Variants in MOGAT1 observed in about 807,000 individuals in gnomAD.
The protein encoded by MOGAT1 is monoacylglycerol O-acyltransferase 1, also known as 2-acylglycerol O-acyltransferase 1.
Under a neutral mutation model 31.4 loss-of-function variants are expected in MOGAT1, and 32 were observed. The ratio of observed to expected loss-of-function variants is 1.02; its 90% CI spans 0.77 to 1.37. The LOEUF (loss-of-function observed/expected upper bound fraction) is 1.37, where lower values mean the gene tolerates loss of function less well. Ranked by LOEUF, MOGAT1 falls within the 40% of genes most tolerant of loss-of-function variation. MOGAT1 has a pLI of 0.00. For missense variants in MOGAT1, 426 were observed against 402.0 expected (o/e 1.06, Z -0.51); for synonymous variants, 145 against 144.5 (o/e 1.00, Z -0.03).
intron 5 of MOGAT1, chr2:222,699,490 C>CCTTTTTTT (rs1372008828): frequency 1.3e-5 from 1 of 77,680 alleles, no homozygotes; most frequent in African/African-American, 5.5e-5. Flanking sequence ...GGAGATATTT[C>CCTTTTTTT]TTTTTTTTTT....
At chr2:222,696,961 G>A (rs1692845769) in intron 5 of MOGAT1, among the ~76,000 whole-genome samples, 1 of 152,118 alleles carries the variant, frequency 6.6e-6, no homozygotes, top group Admixed American at 6.6e-5. Context: ...GAGCACTTGA[G>A]CCCAGGAGTT....
chr2:222,686,428 A>G (rs6739216), intron 1 of MOGAT1, among the ~76,000 whole-genome samples: 22,769 of 152,230 alleles, frequency 0.15, 1,905 homozygotes, highest in East Asian at 0.31. Flanking sequence ...ACTGTAGCTT[A>G]TCTGATCAAA....
At chr2:222,684,765 C>T (rs1203326886) in intron 1 of MOGAT1, among the ~76,000 whole-genome samples, 3 of 151,936 alleles carry the variant, frequency 2.0e-5, no homozygotes, top group African/African-American at 4.8e-5. Context: ...TTAGTAGAGA[C>T]GGGGTTTCAC....
chr2:222,696,819 T>A (rs1692841862), intron 5 of MOGAT1, among the ~76,000 whole-genome samples: 1 of 152,048 alleles, frequency 6.6e-6, no homozygotes. Context: ...ACAGGAGGAA[T>A]GCCTGAGCCC....
chr2:222,699,768 G>A (rs1017371838), intron 5 of MOGAT1, among the ~76,000 whole-genome samples: 1 of 152,068 alleles, frequency 6.6e-6, no homozygotes, highest in African/African-American at 2.4e-5. Context: ...AAAGTACTGG[G>A]ATTACAGGCG....
At chr2:222,678,920 G>A (rs188116449) in intron 1 of MOGAT1, among the ~76,000 whole-genome samples, 1 of 152,182 alleles carries the variant, frequency 6.6e-6, no homozygotes, top group Admixed American at 6.5e-5. Flanking sequence ...CAGCACCTGG[G>A]TGACAAGATC....
rs541617982 is a variant in MOGAT1, at chr2:222,702,813, G to T, written c.854-6923G>T. 5.4e-5 allele frequency among the ~76,000 whole-genome samples: 8 copies of T among 148,354 alleles called. No homozygotes were observed. The East Asian group carries it at 1.4e-3, about 25-fold the overall frequency. On this transcript the variant is annotated intron_variant, in intron 5 of 5. Coordinates refer to ENST00000446656, the MANE Select transcript of MOGAT1 (RefSeq NM_058165.3). Reference sequence around the variant, plus strand: ...CACTCCAGCCTGGGCAACAGAACAAGACTTTGTCTCAAAAAAAAAAACCAC... The same window carrying T: ...CACTCCAGCCTGGGCAACAGAACAATACTTTGTCTCAAAAAAAAAAACCAC...
intron 5 of MOGAT1, among the ~76,000 whole-genome samples, chr2:222,700,237 C>G (rs377367731): frequency 1.9e-4 from 29 of 152,322 alleles, no homozygotes; most frequent in African/African-American, 6.7e-4. Context: ...CACTTGTCAC[C>G]TGGTTAAGCT....
chr2:222,677,917 A>G, intron 1 of MOGAT1: 1 of 271,414 alleles, frequency 3.7e-6, no homozygotes, highest in South Asian at 5.0e-5. Flanking sequence ...GCCAAATAAA[A>G]TCATTGGAAA....
Position 222,671,696 on chromosome 2 carries a change from C to T in MOGAT1, c.-90C>T, listed in dbSNP as rs570308864. 4.5e-6 allele frequency: 5 copies of T among 1,120,884 alleles called. No homozygotes were observed. The East Asian group carries it at 1.0e-4, about 23-fold the overall frequency. The allele number at this position is 1,120,884 out of a possible 1,614,324, so 69.4% of individuals were successfully genotyped here. ...CGCCCAGCCAGTGCCCAGCGCGGGGCCCGGATCCGGCCGGGCACTTCCCAC... is the reference window on the plus strand; with the variant it reads ...CGCCCAGCCAGTGCCCAGCGCGGGGTCCGGATCCGGCCGGGCACTTCCCAC... On this transcript the variant is annotated 5_prime_UTR_variant, in exon 1 of 6. Transcript: ENST00000446656.
rs1479842729 is a variant in MOGAT1 at position 222,671,731 on chromosome 2, A to C, written c.-55A>C. 2 of 1,447,650 alleles carry C rather than the reference A, an allele frequency of 1.4e-6. No individual in the cohort carries two copies. The highest frequency in any genetic ancestry group is 1.9e-6 in the Non-Finnish European group (2 of 1,055,634). 89.7% of individuals were successfully genotyped at this position (1,447,650 alleles called of 1,614,324 possible). A position where few individuals can be genotyped will look rare whatever the true frequency, so the allele number is the denominator to read the frequency against. On this transcript the variant is annotated 5_prime_UTR_variant, in exon 1 of 6. Coordinates refer to ENST00000446656, the MANE Select transcript of MOGAT1 (RefSeq NM_058165.3). The stretch of plus-strand genomic sequence containing the variant: ...GCCGGGCACTTCCCACAGGCGCCGC[A>C]GAGCAGCGTGGGTGCAGGCTGCAGT...
intron 1 of MOGAT1, among the ~76,000 whole-genome samples, chr2:222,673,449 T>C (rs1692451986): frequency 6.6e-6 from 1 of 151,976 alleles, no homozygotes; most frequent in Non-Finnish European, 1.5e-5. Context: ...CGACCTTATC[T>C]AGCGCTTGGT....
At chr2:222,690,516 C>A (rs1332838466) in intron 3 of MOGAT1, among the ~76,000 whole-genome samples, 1 of 151,638 alleles carries the variant, frequency 6.6e-6, no homozygotes, top group Non-Finnish European at 1.5e-5. Flanking sequence ...AACATTTTGC[C>A]ACTGCACTCC....
chr2:222,690,248 C>A (rs937197822), intron 3 of MOGAT1, among the ~76,000 whole-genome samples: 2 of 151,952 alleles, frequency 1.3e-5, no homozygotes. Flanking sequence ...GAGAGAGACC[C>A]AATCACAATT....
chr2:222,709,338 T>G (rs751541994), intron 5 of MOGAT1, among the ~76,000 whole-genome samples: 1 of 152,070 alleles, frequency 6.6e-6, no homozygotes, highest in African/African-American at 2.4e-5. Flanking sequence ...AGAGTCAGAC[T>G]AGAGGACTGC....
chr2:222,703,478 A>C (rs1331531715), intron 5 of MOGAT1, among the ~76,000 whole-genome samples: 1 of 152,098 alleles, frequency 6.6e-6, no homozygotes, highest in Non-Finnish European at 1.5e-5. Context: ...GGCATATTTT[A>C]GGGTGGCATG....
chr2:222,688,943 C>T (rs1489334231), intron 2 of MOGAT1, among the ~76,000 whole-genome samples: 1 of 152,214 alleles, frequency 6.6e-6, no homozygotes, highest in Non-Finnish European at 1.5e-5. Context: ...CCCCACCTCC[C>T]AACACCGTTG....
Position 222,709,910 on chromosome 2 carries a change from T to A in MOGAT1, c.*20T>A, listed in dbSNP as rs1693090600. Reference sequence around the variant, plus strand: ...AAATGACTTGACTATAAAAAAAAATTAAAAAATAAAAATAAATGACTTGGC... The same window carrying A: ...AAATGACTTGACTATAAAAAAAAATAAAAAAATAAAAATAAATGACTTGGC... On this transcript the variant is annotated 3_prime_UTR_variant, in exon 6 of 6. Transcript: ENST00000446656. 2 of 1,518,132 alleles carry A rather than the reference T, an allele frequency of 1.3e-6. No homozygotes were observed. The highest frequency in any genetic ancestry group is 1.4e-5 in the African/African-American group (1 of 70,804). The allele number at this position is 1,518,132 out of a possible 1,614,324, so 94.0% of individuals were successfully genotyped here.
intron 3 of MOGAT1, among the ~76,000 whole-genome samples, chr2:222,692,937 T>G (rs1692783814): frequency 6.6e-6 from 1 of 152,298 alleles, no homozygotes; most frequent in East Asian, 1.9e-4. Context: ...TTGACCTCAG[T>G]GAAGGTTCAA....
Sources: allele counts gnomAD v4.1 joint callset (sites outside exome capture counted in the v4.1 genomes callset), GRCh38; gene constraint gnomAD v4.1.1; transcripts MANE v1.5; gene names NCBI Gene and HGNC (gene_info 2026-07-23, HGNC 2026-07-21).